GRK5: variants seen among roughly 807,000 people sequenced by gnomAD.
The protein encoded by GRK5 is g protein-coupled receptor kinase GRK5.
GRK5 carries 40 observed loss-of-function variants against 78.4 expected under a neutral mutation model. That is an observed-to-expected ratio of 0.51 (90% CI 0.40 to 0.66). GRK5 has a LOEUF of 0.66. GRK5 is among the 30% of genes least tolerant of loss of function. The pLI is 0.00. For missense variants in GRK5, 598 were observed against 759.9 expected, an observed-to-expected ratio of 0.79 and a Z score of 2.50; for synonymous variants, 289 against 296.8, an observed-to-expected ratio of 0.97 and a Z score of 0.27.
chr10:119,295,497 A>G (rs1850064105), intron 1 of GRK5, among the ~76,000 whole-genome samples: 1 of 152,222 alleles, frequency 6.6e-6, no homozygotes, highest in African/African-American at 2.4e-5. Flanking sequence ...AAGTCATTAT[A>G]TGGAAAAGAT....
chr10:119,333,993 GC>G (rs758629242), intron 2 of GRK5: 29 of 383,920 alleles, frequency 7.6e-5, no homozygotes, highest in Non-Finnish European at 1.3e-4. Flanking sequence ...TGGACCACAG[GC>G]TCTCCATCTG....
intron 1 of GRK5, among the ~76,000 whole-genome samples, chr10:119,231,840 G>A (rs1033459978): frequency 1.3e-5 from 2 of 152,046 alleles, no homozygotes; most frequent in African/African-American, 2.4e-5. Context: ...AACAAATACC[G>A]GAGACGATGT....
chr10:119,245,297 T>C (rs1332132712), intron 1 of GRK5, among the ~76,000 whole-genome samples: 17 of 151,748 alleles, frequency 1.1e-4, no homozygotes, highest in Non-Finnish European at 1.5e-5. Context: ...AGAATTCAAA[T>C]CGGGATCTCA....
At chr10:119,209,227 C>T (rs1424089871) in intron 1 of GRK5, among the ~76,000 whole-genome samples, 1 of 152,132 alleles carries the variant, frequency 6.6e-6, no homozygotes, top group African/African-American at 2.4e-5. Flanking sequence ...CATAGCCTTC[C>T]GTGGGCAGCG....
At chr10:119,216,418 G>A (rs1488546714) in intron 1 of GRK5, among the ~76,000 whole-genome samples, 4 of 152,222 alleles carry the variant, frequency 2.6e-5, no homozygotes, top group African/African-American at 9.6e-5. Context: ...TGGTGCCTCG[G>A]CTTCCCTGAG....
At chr10:119,292,146 C>T (rs74508893) in intron 1 of GRK5, among the ~76,000 whole-genome samples, 2 of 12,552 alleles carry the variant, frequency 1.6e-4, no homozygotes, top group Admixed American at 8.2e-4. Flanking sequence ...CCTTCTCCTC[C>T]TCTTCCTCCT....
rs897529968 is a variant in GRK5, at chr10:119,431,273, C to T, written c.598-114C>T. On this transcript the variant is annotated intron_variant, in intron 7 of 15. Coordinates refer to ENST00000392870, the MANE Select transcript of GRK5 (RefSeq NM_005308.3). This position sits in a 1 kb window ranked among gnomAD's most constrained non-coding sequence, Gnocchi z 4.8. ...GAGCACTCATGAAGCCAGGCAGGGC[C>T]GGCTCTGACCCCATCCATTCTCTAC... The T allele has an allele frequency of 3.8e-5, 48 of 1,248,914 alleles. No homozygotes were observed. The highest frequency in any genetic ancestry group is 5.0e-5 in the Admixed American group (2 of 39,722). 77.4% of individuals were successfully genotyped at this position (1,248,914 alleles called of 1,614,324 possible). A position where few individuals can be genotyped will look rare whatever the true frequency, so the allele number is the denominator to read the frequency against.
chr10:119,223,148 C>G (rs1455090867), intron 1 of GRK5, among the ~76,000 whole-genome samples: 4 of 152,206 alleles, frequency 2.6e-5, no homozygotes, highest in Non-Finnish European at 4.4e-5. Flanking sequence ...TTCCAGGCCT[C>G]TCTCCTTGGC....
chr10:119,452,764 T>C lies in GRK5; in HGVS notation c.1498T>C (p.Ser500Pro). 6.7e-7 allele frequency: 1 copy of C among 1,499,796 alleles called. No individual in the cohort carries two copies. Among genetic ancestry groups the C allele is most frequent in the Non-Finnish European group, 9.0e-7 (1 of 1,108,872 alleles). The allele number at this position is 1,499,796 out of a possible 1,614,324, so 92.9% of individuals were successfully genotyped here. Residue 500 changes from serine to proline, a missense_variant, in exon 14 of 16, where the codon TCC becomes CCC. Coordinates refer to ENST00000392870, the MANE Select transcript of GRK5 (RefSeq NM_005308.3). The surrounding 1 kb of genome is among the most constrained non-coding windows in gnomAD (Gnocchi z 4.4). The stretch of plus-strand genomic sequence containing the variant: ...GGACCACACAGACGACGACTTCTAC[T>C]CCAAGTTCTCCACGGGCTCTGTGTC... The part of the protein sequence containing the change: ...NLDHTDDDFY[S>P]KFSTGSVSIP...
intron 1 of GRK5, among the ~76,000 whole-genome samples, chr10:119,234,346 T>G (rs1416289825): frequency 6.6e-6 from 1 of 152,228 alleles, no homozygotes; most frequent in African/African-American, 2.4e-5. Flanking sequence ...CAAAAAATAT[T>G]ACTAAAAGTA....
At position 119,389,507 on chromosome 10, in the gene GRK5, A is replaced by G. The variant is rs549712619; in HGVS notation, c.262-7188A>G. Among the ~76,000 whole-genome samples, 5 of 152,328 alleles carry G rather than the reference A, an allele frequency of 3.3e-5. No homozygotes were observed. The South Asian group carries it at 1.0e-3, about 32-fold the overall frequency. On this transcript the variant is annotated intron_variant, in intron 3 of 15. Coordinates refer to ENST00000392870, the MANE Select transcript of GRK5 (RefSeq NM_005308.3). ...TGCCACTTCTAAAATGGGTTTATAT[A>G]GTGCACATCTGTGGGATCATCCAGT...
chr10:119,328,331 G>A (rs746235607), intron 2 of GRK5, among the ~76,000 whole-genome samples: 2 of 152,168 alleles, frequency 1.3e-5, no homozygotes, highest in African/African-American at 2.4e-5. Context: ...TCAGAGAGGG[G>A]AGCCAGGGAG....
intron 4 of GRK5, among the ~76,000 whole-genome samples, chr10:119,409,278 C>G (rs141941435): frequency 2.4e-3 from 366 of 152,308 alleles, no homozygotes; most frequent in African/African-American, 8.6e-3. Flanking sequence ...AACAAATTGT[C>G]TTTGCCCACA....
chr10:119,364,058 T>C (rs1300899045), intron 2 of GRK5, among the ~76,000 whole-genome samples: 2 of 152,186 alleles, frequency 1.3e-5, no homozygotes, highest in African/African-American at 4.8e-5. Flanking sequence ...CCAAGATCCT[T>C]GGGCAGGGGT....
At chr10:119,396,182 C>T (rs1852049904) in intron 3 of GRK5, among the ~76,000 whole-genome samples, 2 of 152,354 alleles carry the variant, frequency 1.3e-5, no homozygotes, top group Middle Eastern at 3.4e-3. Flanking sequence ...TACCTAGGTG[C>T]TGGTACCATC....
chr10:119,452,898 G>A lies in GRK5; in HGVS notation c.1542+90G>A. 3 of 1,437,988 alleles carry A rather than the reference G, an allele frequency of 2.1e-6. No individual in the cohort carries two copies. The highest frequency in any genetic ancestry group is 2.4e-5 in the South Asian group (2 of 82,512). The allele number at this position is 1,437,988 out of a possible 1,614,324, so 89.1% of individuals were successfully genotyped here. A position where few individuals can be genotyped will look rare whatever the true frequency, so the allele number is the denominator to read the frequency against. On this transcript the variant is annotated intron_variant, in intron 14 of 15. Transcript: ENST00000392870. This position sits in a 1 kb window ranked among gnomAD's most constrained non-coding sequence, Gnocchi z 4.4. ...CGTCGGGAATATGAGTTTGGCGGCA[G>A]GAGGCTGAGCGCATGGTTTCTGTTT...
In GRK5 at chr10:119,414,292, A is replaced by G. The variant is rs11198913; in HGVS notation, c.340-8874A>G. Among the ~76,000 whole-genome samples the G allele has an allele frequency of 4.8e-3, 729 of 152,372 alleles. 6 individuals are homozygous for G. Among genetic ancestry groups the G allele is most frequent in the African/African-American group, 0.017 (693 of 41,594 alleles). ...AGTCTCCCGGGCCGACCTTTTGTCC[A>G]CTGACGGAACCATGGCTAATGAGCG... On this transcript the variant is annotated intron_variant, in intron 4 of 15. Transcript: ENST00000392870.
chr10:119,408,508 TC>T (rs768829148), intron 4 of GRK5, among the ~76,000 whole-genome samples: 2 of 152,196 alleles, frequency 1.3e-5, no homozygotes, highest in African/African-American at 2.4e-5. Flanking sequence ...ACTGCAGTGT[TC>T]AACCATATAA....
At chr10:119,377,843 A>G (rs940432980) in intron 2 of GRK5, 3 of 154,350 alleles carry the variant, frequency 1.9e-5, no homozygotes, top group African/African-American at 4.8e-5. Flanking sequence ...GCTCTCTCCC[A>G]TAATTGAATA....
Sources: gnomAD v4.1 joint callset for allele counts (sites outside exome capture counted in the v4.1 genomes callset) on GRCh38, gnomAD v4.1.1 for gene constraint, Gnocchi (gnomAD v3.1) non-coding constraint, MANE v1.5 for transcripts, NCBI Gene and HGNC (gene_info 2026-07-23, HGNC 2026-07-21) for gene names.